Variants in ASCC3 observed in about 807,000 individuals in gnomAD.
ASCC3 encodes the protein activating signal cointegrator 1 complex subunit 3, also known as ASC-1 complex subunit P200.
Under a neutral mutation model 256.3 loss-of-function variants are expected in ASCC3, and 158 were observed. The observed-to-expected ratio is 0.62, with a 90% CI of 0.54 to 0.70. The LOEUF is 0.70. ASCC3 is among the 30% of genes least tolerant of loss of function. ASCC3 has a pLI of 0.00. For missense variants in ASCC3, 2,259 were observed against 2,626.0 expected, an observed-to-expected ratio of 0.86 and a Z score of 3.05; for synonymous variants, 948 against 883.4, an observed-to-expected ratio of 1.07 and a Z score of -1.30.
chr6:100,875,078 T>C (rs1048720658), intron 1 of ASCC3, among the ~76,000 whole-genome samples: 1 of 152,132 alleles, frequency 6.6e-6, no homozygotes, highest in African/African-American at 2.4e-5. Context: ...GATTTACATG[T>C]GGTGAACTGT....
At chr6:100,608,156 ATATT>A (rs2114813486) in intron 30 of ASCC3, among the ~76,000 whole-genome samples, 1 of 123,434 alleles carries the variant, frequency 8.1e-6, no homozygotes, top group South Asian at 2.3e-4. Context: ...CTATATATAC[ATATT>A]TATATACATA....
intron 37 of ASCC3, among the ~76,000 whole-genome samples, chr6:100,532,408 T>TATATATA (rs1562098670): frequency 1.1e-4 from 4 of 37,410 alleles, no homozygotes; most frequent in African/African-American, 1.8e-4. Flanking sequence ...ATATATATAT[T>TATATATA]TTTTTTTTTT....
intron 30 of ASCC3, among the ~76,000 whole-genome samples, chr6:100,613,585 G>A (rs1410401957): frequency 6.6e-6 from 1 of 151,954 alleles, no homozygotes; most frequent in African/African-American, 2.4e-5. Flanking sequence ...ATTTACTGAT[G>A]GATACTTAGG....
chr6:100,761,005 T>A (rs1445886137), intron 10 of ASCC3, among the ~76,000 whole-genome samples: 1 of 152,124 alleles, frequency 6.6e-6, no homozygotes, highest in Non-Finnish European at 1.5e-5. Flanking sequence ...AGGATGAACT[T>A]AAAAGAAATT....
intron 29 of ASCC3, among the ~76,000 whole-genome samples, chr6:100,625,938 C>T (rs1774210577): frequency 6.6e-6 from 1 of 151,546 alleles, no homozygotes; most frequent in African/African-American, 2.4e-5. Flanking sequence ...GAAAGGCAGA[C>T]AAGATAACGT....
chr6:100,524,297 T>C (rs1336410413), intron 37 of ASCC3, among the ~76,000 whole-genome samples: 1 of 152,164 alleles, frequency 6.6e-6, no homozygotes, highest in Non-Finnish European at 1.5e-5. Flanking sequence ...ATTTAATTCA[T>C]TATTGTCTCT....
chr6:100,559,391 A>G (rs1401222400), intron 36 of ASCC3, among the ~76,000 whole-genome samples: 1 of 152,214 alleles, frequency 6.6e-6, no homozygotes, highest in African/African-American at 2.4e-5. Context: ...AAAAACCCAC[A>G]AAAGAAAAAT....
At chr6:100,624,396 T>A (rs981319188) in intron 30 of ASCC3, among the ~76,000 whole-genome samples, 4 of 150,262 alleles carry the variant, frequency 2.7e-5, no homozygotes, top group South Asian at 2.1e-4. Context: ...GAAAAAAAAA[T>A]GTTCAACCAA....
chr6:100,783,954 A>C (rs1782571327), intron 8 of ASCC3, among the ~76,000 whole-genome samples: 1 of 152,072 alleles, frequency 6.6e-6, no homozygotes, highest in Admixed American at 6.6e-5. Context: ...TCTTTTAAAG[A>C]GGGGGGAAGT....
In ASCC3 at chr6:100,607,071, T is replaced by C. The variant is rs1362312635; in HGVS notation, c.4803A>G (p.Ala1601=). 2.5e-6 allele frequency: 4 copies of C among 1,613,530 alleles called. No individual in the cohort carries two copies. Among genetic ancestry groups the C allele is most frequent in the South Asian group, 1.1e-5 (1 of 91,062 alleles). ...GCTTGAGGTTGGAATCTCTTACTGT[T>C]GCAATGATGTTCTCCATCTGCAAGT... ...MDEREMENII[A]TVRDSNLKLT... is the part of the protein sequence containing the mutation. Residue 1601 remains alanine, a synonymous_variant, in exon 31 of 42, where the codon GCA becomes GCG. Transcript: ENST00000369162.
intron 8 of ASCC3, among the ~76,000 whole-genome samples, chr6:100,783,420 C>A (rs6932921): frequency 0.94 from 143,134 of 152,198 alleles, 67,624 homozygotes; most frequent in South Asian, 0.99. Context: ...CTGTTATTAA[C>A]TGCAAGCCTA....
chr6:100,840,019 G>A (rs1220202953), intron 4 of ASCC3, among the ~76,000 whole-genome samples: 1 of 152,074 alleles, frequency 6.6e-6, no homozygotes, highest in African/African-American at 2.4e-5. Flanking sequence ...GCTAAAAGTA[G>A]AACACAGGAT....
At position 100,646,323 on chromosome 6, in the gene ASCC3, T is replaced by A. The variant is rs544860398; in HGVS notation, c.3633+292A>T. ...ATTTTTTACTATTATTATTATTATT[T>A]TTTTGAGACAGAGTCTCGCTCTGTC... On this transcript the variant is annotated intron_variant, in intron 22 of 41. Transcript: ENST00000369162. Among the ~76,000 whole-genome samples, 8 of 152,132 alleles carry A rather than the reference T, an allele frequency of 5.3e-5. No individual in the cohort carries two copies. The South Asian group carries it at 1.7e-3, about 32-fold the overall frequency.
chr6:100,685,100 C>G (rs1025701673), intron 13 of ASCC3, among the ~76,000 whole-genome samples: 1 of 152,112 alleles, frequency 6.6e-6, no homozygotes, highest in African/African-American at 2.4e-5. Flanking sequence ...AGCCACCATG[C>G]GCGGCCAAAT....
intron 27 of ASCC3, 109 bp downstream of exon 27, chr6:100,628,906 T>G: frequency 1.9e-6 from 2 of 1,037,924 alleles, no homozygotes; most frequent in Non-Finnish European, 2.8e-6. Context: ...AAAAATCACA[T>G]TGTGCCCTAG....
At chr6:100,591,678 C>A (rs570162987) in intron 34 of ASCC3, among the ~76,000 whole-genome samples, 2 of 151,868 alleles carry the variant, frequency 1.3e-5, no homozygotes, top group Non-Finnish European at 2.9e-5. Flanking sequence ...CTTTATGCAA[C>A]TGACATTACA....
At chr6:100,618,045 ACTT>A (rs1348442574) in intron 30 of ASCC3, among the ~76,000 whole-genome samples, 20 of 152,174 alleles carry the variant, frequency 1.3e-4, no homozygotes, top group African/African-American at 4.6e-4. Flanking sequence ...CCAAAATATA[ACTT>A]CTTCTTTTAA....
At chr6:100,644,332 T>C in intron 22 of ASCC3, among the ~76,000 whole-genome samples, 1 of 152,152 alleles carries the variant, frequency 6.6e-6, no homozygotes, top group South Asian at 2.1e-4. Flanking sequence ...TTTTAGAACA[T>C]TTTCACCACC....
intron 40 of ASCC3, chr6:100,510,408 T>A (rs1773702980): frequency 3.1e-6 from 1 of 320,256 alleles, no homozygotes; most frequent in Non-Finnish European, 5.8e-6. Flanking sequence ...CAAATTCTCA[T>A]GCTATTCCTA....
Sources: allele counts gnomAD v4.1 joint callset (sites outside exome capture counted in the v4.1 genomes callset), GRCh38; gene constraint gnomAD v4.1.1; transcripts MANE v1.5; gene names NCBI Gene and HGNC (gene_info 2026-07-23, HGNC 2026-07-21).